Variants in TPST2 observed in about 807,000 individuals in gnomAD.
The protein encoded by TPST2 is tyrosylprotein sulfotransferase 2, also known as protein-tyrosine sulfotransferase 2.
In TPST2, 16 loss-of-function variants were observed where a neutral mutation model predicts 27.8. The ratio of observed to expected loss-of-function variants is 0.58; its 90% CI spans 0.39 to 0.88. The LOEUF is 0.88. TPST2 is among the 40% of genes least tolerant of loss of function. TPST2 has a pLI of 0.00. For synonymous variants in TPST2, 229 were observed against 231.7 expected, an observed-to-expected ratio of 0.99 and a Z score of 0.10; for missense variants, 464 against 543.1, an observed-to-expected ratio of 0.85 and a Z score of 1.45.
chr22:26,562,517 CTT>C (rs1927157625), intron 1 of TPST2, among the ~76,000 whole-genome samples: 2 of 152,174 alleles, frequency 1.3e-5, no homozygotes, highest in Admixed American at 1.3e-4. Context: ...GCATAAGTCT[CTT>C]TGGAGTAAAA....
intron 4 of TPST2, among the ~76,000 whole-genome samples, chr22:26,535,460 G>A (rs907311902): frequency 1.3e-5 from 2 of 152,184 alleles, no homozygotes; most frequent in African/African-American, 2.4e-5. Context: ...TTTACCCAGT[G>A]GGTGTTAGCC....
At chr22:26,536,721 A>G (rs1437963566) in intron 3 of TPST2, among the ~76,000 whole-genome samples, 5 of 152,186 alleles carry the variant, frequency 3.3e-5, no homozygotes, top group Admixed American at 6.5e-5. Context: ...AGCAGTATAC[A>G]CCATTGGTAC....
intron 5 of TPST2, 71 bp downstream of exon 5, chr22:26,532,624 T>G: frequency 1.3e-6 from 2 of 1,507,232 alleles, no homozygotes; most frequent in Non-Finnish European, 1.8e-6. Flanking sequence ...GTGACACATC[T>G]AAGGGCATAC....
rs148631737 is a variant in TPST2 at position 26,534,822 on chromosome 22, G to A, written c.1041+1466C>T. 5.2e-3 allele frequency among the ~76,000 whole-genome samples: 797 copies of A among 152,138 alleles called. 6 individuals are homozygous for A. Among genetic ancestry groups the A allele is most frequent in the East Asian group, 0.017 (89 of 5,194 alleles). ...AGATAAAAGTATGTAAAACACATAA[G>A]TAGGGTTTAAAGATTACTATTATTA... On this transcript the variant is annotated intron_variant, in intron 4 of 6. Transcript: ENST00000338754.
intron 1 of TPST2, among the ~76,000 whole-genome samples, chr22:26,583,336 C>T (rs1306587551): frequency 6.8e-6 from 1 of 147,946 alleles, no homozygotes; most frequent in Non-Finnish European, 1.5e-5. Flanking sequence ...ACTCAGGAGG[C>T]TGAGGCAGGA....
chr22:26,564,625 T>C (rs957296969), intron 1 of TPST2, among the ~76,000 whole-genome samples: 3 of 152,184 alleles, frequency 2.0e-5, no homozygotes, highest in East Asian at 1.9e-4. Flanking sequence ...TGAACACTTA[T>C]GCACAGATCA....
At chr22:26,551,327 C>T (rs1181257085) in intron 1 of TPST2, among the ~76,000 whole-genome samples, 1 of 152,162 alleles carries the variant, frequency 6.6e-6, no homozygotes, top group African/African-American at 2.4e-5. Flanking sequence ...TTAGTTCAGA[C>T]TTAGAGCCCT....
intron 1 of TPST2, among the ~76,000 whole-genome samples, chr22:26,576,576 A>G (rs1340727244): frequency 6.6e-6 from 1 of 152,112 alleles, no homozygotes; most frequent in Non-Finnish European, 1.5e-5. Flanking sequence ...GTGAAAGCAC[A>G]CTGGAAATTT....
intron 5 of TPST2, among the ~76,000 whole-genome samples, chr22:26,530,630 T>TAAAAAAAAAAAAAAAA (rs1569176539): frequency 1.8e-5 from 1 of 54,172 alleles, no homozygotes; most frequent in Non-Finnish European, 3.9e-5. Flanking sequence ...AAACCCCATC[T>TAAAAAAAAAAAAAAAA]CAAAAAAAAA....
At chr22:26,538,260 A>C (rs1337780439) in intron 3 of TPST2, among the ~76,000 whole-genome samples, 2 of 152,226 alleles carry the variant, frequency 1.3e-5, no homozygotes, top group Non-Finnish European at 2.9e-5. Context: ...TGGTGGGTAG[A>C]ACACAGATTC....
At chr22:26,544,200 T>C (rs1926002748) in intron 2 of TPST2, among the ~76,000 whole-genome samples, 1 of 152,190 alleles carries the variant, frequency 6.6e-6, no homozygotes, top group Non-Finnish European at 1.5e-5. Flanking sequence ...AAGGAAGCTA[T>C]TCAGAAGGCC....
intron 4 of TPST2, among the ~76,000 whole-genome samples, chr22:26,534,191 T>C (rs1344695605): frequency 2.0e-5 from 3 of 152,120 alleles, no homozygotes; most frequent in African/African-American, 7.2e-5. Context: ...TTCATCAGCA[T>C]AGATGTCCTT....
At chr22:26,569,862 G>A (rs1326791287) in intron 1 of TPST2, among the ~76,000 whole-genome samples, 1 of 148,158 alleles carries the variant, frequency 6.7e-6, no homozygotes, top group African/African-American at 2.5e-5. Flanking sequence ...GAAGCAGGGA[G>A]AACTGCTTGA....
At chr22:26,580,596 A>G (rs1928062943) in intron 1 of TPST2, among the ~76,000 whole-genome samples, 1 of 152,236 alleles carries the variant, frequency 6.6e-6, no homozygotes, top group African/African-American at 2.4e-5. Context: ...TTTTTAAAAC[A>G]TATTTTCAAG....
intron 1 of TPST2, among the ~76,000 whole-genome samples, chr22:26,584,505 G>A (rs1365429288): frequency 6.6e-6 from 1 of 152,150 alleles, no homozygotes; most frequent in African/African-American, 2.4e-5. Context: ...TGAGAATTCA[G>A]AGTGTAGAGT....
In TPST2 at chr22:26,541,595, G is replaced by A. The variant is rs374006717; in HGVS notation, c.36C>T (p.Ala12=). The change falls in exon 3 of 7, where the codon GCC becomes GCT. Residue 12 remains alanine, a synonymous_variant. Transcript: ENST00000338754. The surrounding 1 kb of genome is among the most constrained non-coding windows in gnomAD (Gnocchi z 5.9). ...RLSVRRVLLA[A]GCALVLVLAV... ...CCAGCACCAGGACCAGGGCGCAGCC[G>A]GCTGCCAGCAGCACCCTCCGCACCG... is the stretch of plus-strand genomic sequence containing the variant. The A allele has an allele frequency of 1.0e-4, 162 of 1,598,472 alleles. No individual in the cohort carries two copies. The highest frequency in any genetic ancestry group is 2.8e-5 in the Non-Finnish European group (33 of 1,175,264).
chr22:26,536,147 C>T, intron 4 of TPST2, 141 bp downstream of exon 4: 1 of 1,135,800 alleles, frequency 8.8e-7, no homozygotes, highest in African/African-American at 1.5e-5. Context: ...TCATGTAGTT[C>T]ACTGTGTCCA....
intron 1 of TPST2, among the ~76,000 whole-genome samples, chr22:26,584,041 A>G (rs569694064): frequency 6.6e-6 from 1 of 152,372 alleles, no homozygotes; most frequent in African/African-American, 2.4e-5. Flanking sequence ...CTGGGTTTCC[A>G]AGAGAAATGA....
intron 3 of TPST2, among the ~76,000 whole-genome samples, chr22:26,537,287 G>A (rs8136604): frequency 0.08 from 12,181 of 152,224 alleles, 563 homozygotes; most frequent in African/African-American, 0.12. Context: ...GGGTTCAGAC[G>A]CCAGCTGTTC....
Sources: allele counts gnomAD v4.1 joint callset (sites outside exome capture counted in the v4.1 genomes callset), GRCh38; gene constraint gnomAD v4.1.1; non-coding constraint Gnocchi (gnomAD v3.1); transcripts MANE v1.5; gene names NCBI Gene and HGNC (gene_info 2026-07-23, HGNC 2026-07-21).